Variants in CCSER1 observed in about 807,000 individuals in gnomAD.
The protein encoded by CCSER1 is serine-rich coiled-coil domain-containing protein 1.
A neutral mutation model predicts 82.0 loss-of-function variants in CCSER1; 41 were observed. That is an observed-to-expected ratio of 0.50 (90% CI 0.39 to 0.65). The LOEUF (loss-of-function observed/expected upper bound fraction) is 0.65. CCSER1 is among the 30% of genes least tolerant of loss of function. CCSER1 has a pLI of 0.00. For missense variants in CCSER1, 1,119 were observed against 1,064.2 expected, an observed-to-expected ratio of 1.05 and a Z score of -0.72; for synonymous variants, 414 against 383.9, an observed-to-expected ratio of 1.08 and a Z score of -0.92.
rs114718441 is a variant in CCSER1 at position 90,247,437 on chromosome 4, G to A, written c.-41-60807G>A. On this transcript the variant is annotated intron_variant, in intron 1 of 10. Coordinates refer to ENST00000509176, the MANE Select transcript of CCSER1 (RefSeq NM_001145065.2). ...AAATATAACAAGAAAATATATTGAA[G>A]AAAACTTGTTGTGAGAAATGCAGTG... is the stretch of plus-strand genomic sequence containing the variant. 6.8e-3 allele frequency among the ~76,000 whole-genome samples: 1,035 copies of A among 151,996 alleles called. 9 individuals are homozygous for A. Among genetic ancestry groups the A allele is most frequent in the African/African-American group, 0.024 (1,002 of 41,492 alleles).
intron 8 of CCSER1, among the ~76,000 whole-genome samples, chr4:90,820,503 T>C (rs1295349195): frequency 1.3e-5 from 2 of 152,090 alleles, no homozygotes; most frequent in African/African-American, 4.8e-5. Flanking sequence ...ATGAATCTGC[T>C]CCTGCAAGCC....
At chr4:90,422,650 A>T (rs1442310144) in intron 4 of CCSER1, among the ~76,000 whole-genome samples, 2 of 152,064 alleles carry the variant, frequency 1.3e-5, no homozygotes, top group African/African-American at 2.4e-5. Context: ...CGAAAACAGA[A>T]AAAAAAACAC....
chr4:90,395,145 A>T (rs1751766349), intron 3 of CCSER1, among the ~76,000 whole-genome samples: 1 of 152,160 alleles, frequency 6.6e-6, no homozygotes, highest in East Asian at 1.9e-4. Context: ...GCTGTTTAAG[A>T]TTTCCACACC....
intron 10 of CCSER1, among the ~76,000 whole-genome samples, chr4:91,544,277 A>G (rs539243843): frequency 6.6e-6 from 1 of 152,094 alleles, no homozygotes; most frequent in Admixed American, 6.6e-5. Flanking sequence ...GAAGTTTGTT[A>G]CTACCAATCG....
intron 1 of CCSER1, among the ~76,000 whole-genome samples, chr4:90,156,950 T>C (rs1381621203): frequency 1.3e-5 from 2 of 152,236 alleles, no homozygotes; most frequent in African/African-American, 2.4e-5. Flanking sequence ...CGTTAGTTCA[T>C]GCAGTTTCTT....
chr4:90,591,823 G>A (rs1231218934), intron 5 of CCSER1, among the ~76,000 whole-genome samples: 1 of 152,062 alleles, frequency 6.6e-6, no homozygotes, highest in Non-Finnish European at 1.5e-5. Context: ...AGAAAATGTG[G>A]CACATATACA....
chr4:91,491,756 AACTTTT>A (rs1326785570), intron 10 of CCSER1, among the ~76,000 whole-genome samples: 2 of 152,086 alleles, frequency 1.3e-5, no homozygotes, highest in Admixed American at 6.6e-5. Flanking sequence ...TAAAGAATAA[AACTTTT>A]ACTCATGTGA....
At chr4:91,219,670 CACA>C (rs1737582950) in intron 10 of CCSER1, among the ~76,000 whole-genome samples, 1 of 152,114 alleles carries the variant, frequency 6.6e-6, no homozygotes, top group Non-Finnish European at 1.5e-5. Flanking sequence ...GGAAGAGATT[CACA>C]AGAACTTTCT....
chr4:90,999,555 C>A (rs1465835749), intron 9 of CCSER1, among the ~76,000 whole-genome samples: 1 of 152,028 alleles, frequency 6.6e-6, no homozygotes, highest in Non-Finnish European at 1.5e-5. Context: ...TTTATGTCTT[C>A]TGCCCGCTTT....
At chr4:91,100,058 T>C (rs1034134247) in intron 10 of CCSER1, among the ~76,000 whole-genome samples, 21 of 152,182 alleles carry the variant, frequency 1.4e-4, no homozygotes, top group African/African-American at 4.3e-4. Context: ...CTTCCTTGTC[T>C]TGTAATGTTA....
At chr4:90,872,431 T>G (rs1766651244) in intron 8 of CCSER1, among the ~76,000 whole-genome samples, 1 of 152,010 alleles carries the variant, frequency 6.6e-6, no homozygotes, top group Admixed American at 6.6e-5. Flanking sequence ...TACTTTAAAC[T>G]GTTCAAAACT....
chr4:90,305,712 C>A (rs1579079923), intron 1 of CCSER1, among the ~76,000 whole-genome samples: 1 of 152,300 alleles, frequency 6.6e-6, no homozygotes, highest in Non-Finnish European at 1.5e-5. Context: ...GAAAAGGGAA[C>A]TCTTGCACAC....
At chr4:90,529,124 CTCTT>C (rs1223256977) in intron 5 of CCSER1, among the ~76,000 whole-genome samples, 2 of 152,164 alleles carry the variant, frequency 1.3e-5, no homozygotes, top group Admixed American at 1.3e-4. Flanking sequence ...ACCTATAATC[CTCTT>C]TCTTCCAGAT....
chr4:90,337,827 C>G (rs2153502254), intron 3 of CCSER1, among the ~76,000 whole-genome samples: 1 of 151,782 alleles, frequency 6.6e-6, no homozygotes, highest in South Asian at 2.1e-4. Context: ...TATATTTTCC[C>G]AAACAAAAAA....
intron 1 of CCSER1, among the ~76,000 whole-genome samples, chr4:90,135,001 A>C (rs1723412248): frequency 6.6e-6 from 1 of 152,250 alleles, no homozygotes; most frequent in Admixed American, 6.5e-5. Flanking sequence ...AGGATTAAAA[A>C]ATGTTTTTTT....
intron 10 of CCSER1, among the ~76,000 whole-genome samples, chr4:91,289,974 G>A (rs913452451): frequency 8.6e-5 from 13 of 151,986 alleles, no homozygotes; most frequent in African/African-American, 3.1e-4. Flanking sequence ...GTAATCTGAA[G>A]AGGGAGAAAT....
chr4:91,457,895 T>C (rs1021388634), intron 10 of CCSER1, among the ~76,000 whole-genome samples: 1 of 152,178 alleles, frequency 6.6e-6, no homozygotes, highest in Non-Finnish European at 1.5e-5. Context: ...AAATTTGATA[T>C]GAAATTATAT....
chr4:90,777,078 G>A (rs772054349), intron 7 of CCSER1, among the ~76,000 whole-genome samples: 2 of 152,026 alleles, frequency 1.3e-5, no homozygotes, highest in South Asian at 2.1e-4. Flanking sequence ...TCTAAGTGCC[G>A]GGAGCGGTGG....
chr4:90,197,719 A>C (rs1736872780), intron 1 of CCSER1, among the ~76,000 whole-genome samples: 1 of 152,110 alleles, frequency 6.6e-6, no homozygotes, highest in African/African-American at 2.4e-5. Flanking sequence ...ATTTGTGGGA[A>C]CTAAAAATCA....
Sources: allele counts gnomAD v4.1 joint callset (sites outside exome capture counted in the v4.1 genomes callset), GRCh38; gene constraint gnomAD v4.1.1; transcripts MANE v1.5; gene names NCBI Gene and HGNC (gene_info 2026-07-23, HGNC 2026-07-21).